Variants in FLRT1 observed in about 807,000 individuals in gnomAD.
FLRT1 encodes the protein fibronectin leucine rich transmembrane protein 1.
Under a neutral mutation model 30.9 loss-of-function variants are expected in FLRT1, and 14 were observed. The observed-to-expected ratio is 0.45, with a 90% CI of 0.30 to 0.71. The LOEUF (loss-of-function observed/expected upper bound fraction) is 0.71. FLRT1 is among the 30% of genes least tolerant of loss of function. FLRT1 has a pLI of 0.08. For missense variants in FLRT1, 737 were observed against 949.2 expected (o/e 0.78, Z 2.94); for synonymous variants, 368 against 430.4 (o/e 0.85, Z 1.80).
chr11:64,048,757 A>C (rs1943634121), intron 1 of FLRT1, among the ~76,000 whole-genome samples: 1 of 152,146 alleles, frequency 6.6e-6, no homozygotes, highest in Non-Finnish European at 1.5e-5. Flanking sequence ...CAGATCCCAT[A>C]ACTCTAAGGG....
Position 64,036,722 on chromosome 11 carries a change from C to T in FLRT1, c.-1038+563C>T, listed in dbSNP as rs190814017. ...CTTCCCTCCCTGTGCGCGCTGTGGA[C>T]CGTCAGCCCTGAGCCGGGCGGGGGC... On this transcript the variant is annotated intron_variant, in intron 1 of 2. Coordinates refer to ENST00000682287, the MANE Select transcript of FLRT1 (RefSeq NM_013280.5). The surrounding 1 kb of genome is among the most constrained non-coding windows in gnomAD (Gnocchi z 5.6). Among the ~76,000 whole-genome samples, 57 of 151,820 alleles carry T rather than the reference C, an allele frequency of 3.8e-4. No individual in the cohort carries two copies. Among genetic ancestry groups the T allele is most frequent in the Admixed American group, 2.8e-3 (43 of 15,274 alleles).
rs1318031655 is a variant in FLRT1, at chr11:64,090,326, G to GTC, written c.-1037-12865_-1037-12864dup. ...GTCTAATAGTCAGCAGTTATTTATC[G>GTC]TCTCGTTTCTTAGTGGGTAGGAAAG... On this transcript the variant is annotated intron_variant, in intron 1 of 2. Transcript: ENST00000682287. This position sits in a 1 kb window ranked among gnomAD's most constrained non-coding sequence, Gnocchi z 4.7. Among the ~76,000 whole-genome samples, 1 of 152,196 alleles carries GTC rather than the reference G, an allele frequency of 6.6e-6. No individual in the cohort carries two copies. Among genetic ancestry groups the GTC allele is most frequent in the African/African-American group, 2.4e-5 (1 of 41,440 alleles).
At chr11:64,104,829 G>A (rs1010672666) in intron 2 of FLRT1, among the ~76,000 whole-genome samples, 3 of 152,288 alleles carry the variant, frequency 2.0e-5, no homozygotes, top group South Asian at 2.1e-4. Flanking sequence ...CACAACAGGC[G>A]GTGAGTCCTC....
intron 2 of FLRT1, among the ~76,000 whole-genome samples, chr11:64,113,736 T>TGATGGATG (rs747928879): frequency 7.0e-6 from 1 of 142,116 alleles, no homozygotes; most frequent in African/African-American, 2.7e-5. Flanking sequence ...GATACATGGA[T>TGATGGATG]GATGGATGGA....
chr11:64,105,493 G>A lies in FLRT1; in HGVS notation c.-50+1312G>A, dbSNP rs192646426. Among the ~76,000 whole-genome samples, 8 of 152,296 alleles carry A rather than the reference G, an allele frequency of 5.3e-5. No individual in the cohort carries two copies. The East Asian group carries it at 1.3e-3, about 26-fold the overall frequency. ...CCCTCCCTGTATGCCTCCCCTTTCT[G>A]CACTGGGGATGCAGCCTGTCCCCTC... On this transcript the variant is annotated intron_variant, in intron 2 of 2. Transcript: ENST00000682287.
At chr11:64,106,945 G>A (rs1385239273) in intron 2 of FLRT1, among the ~76,000 whole-genome samples, 1 of 151,996 alleles carries the variant, frequency 6.6e-6, no homozygotes, top group Non-Finnish European at 1.5e-5. Flanking sequence ...GCAGTGGCAC[G>A]ATCTCTCGGC....
intron 1 of FLRT1, among the ~76,000 whole-genome samples, chr11:64,077,628 C>T (rs542921565): frequency 6.6e-6 from 1 of 152,266 alleles, no homozygotes; most frequent in East Asian, 1.9e-4. Context: ...ACGAACAGAA[C>T]TCATAGATGG....
Position 64,090,828 on chromosome 11 carries a change from G to A in FLRT1, c.-1037-12366G>A, listed in dbSNP as rs866055490. Among the ~76,000 whole-genome samples the A allele has an allele frequency of 3.3e-5, 5 of 152,174 alleles. No individual in the cohort carries two copies. Among genetic ancestry groups the A allele is most frequent in the Admixed American group, 6.5e-5 (1 of 15,300 alleles). ...CTGGGGCTCTGCAGAAGCAGAGCCC[G>A]AGTCGGGTCCAGCCCTGCACTCCCA... On this transcript the variant is annotated intron_variant, in intron 1 of 2. Coordinates refer to ENST00000682287, the MANE Select transcript of FLRT1 (RefSeq NM_013280.5). This position sits in a 1 kb window ranked among gnomAD's most constrained non-coding sequence, Gnocchi z 4.7.
At chr11:64,072,750 A>G (rs1944132558) in intron 1 of FLRT1, among the ~76,000 whole-genome samples, 1 of 152,188 alleles carries the variant, frequency 6.6e-6, no homozygotes, top group Non-Finnish European at 1.5e-5. Context: ...TTAAGAAGCA[A>G]CTGCTTTTGG....
chr11:64,050,984 C>T (rs976580518), intron 1 of FLRT1, among the ~76,000 whole-genome samples: 1 of 152,220 alleles, frequency 6.6e-6, no homozygotes, highest in Non-Finnish European at 1.5e-5. Context: ...GTCCCCTGAG[C>T]CCCACTCCTG....
chr11:64,047,339 C>T (rs967194355), intron 1 of FLRT1, among the ~76,000 whole-genome samples: 15 of 152,096 alleles, frequency 9.9e-5, no homozygotes, highest in Non-Finnish European at 1.5e-4. Flanking sequence ...TTTAAGAAGG[C>T]GAAACCTGAG....
At chr11:64,050,647 TCA>T (rs1943675635) in intron 1 of FLRT1, among the ~76,000 whole-genome samples, 2 of 152,200 alleles carry the variant, frequency 1.3e-5, no homozygotes, top group Admixed American at 1.3e-4. Flanking sequence ...CAGCTGACTT[TCA>T]CTCTTGTCGC....
chr11:64,118,500 G>A lies in FLRT1; in HGVS notation c.*208G>A. The A allele has an allele frequency of 2.0e-6, 1 of 499,250 alleles. No individual in the cohort carries two copies. The highest frequency in any genetic ancestry group is 3.5e-6 in the Non-Finnish European group (1 of 285,960). The allele number at this position is 499,250 out of a possible 1,614,324, so 30.9% of individuals were successfully genotyped here. A position where few individuals can be genotyped will look rare whatever the true frequency, so the allele number is the denominator to read the frequency against. On this transcript the variant is annotated 3_prime_UTR_variant, in exon 3 of 3. Transcript: ENST00000682287. ...TTTAAAAGAATAGAAGGCAGGAGGG[G>A]GAATTCGACATTGTTGAAGACATAA... is the stretch of plus-strand genomic sequence containing the variant.
intron 1 of FLRT1, among the ~76,000 whole-genome samples, chr11:64,077,841 T>C (rs1944231744): frequency 6.6e-6 from 1 of 152,212 alleles, no homozygotes; most frequent in Non-Finnish European, 1.5e-5. Flanking sequence ...CCTTTGGCTA[T>C]GGGTGGGCTT....
intron 1 of FLRT1, among the ~76,000 whole-genome samples, chr11:64,091,460 T>G (rs1590894641): frequency 2.2e-5 from 1 of 45,264 alleles, no homozygotes; most frequent in Non-Finnish European, 4.3e-5. Context: ...GCCAGGGAGG[T>G]GGATGTGGGG....
chr11:64,072,475 T>C (rs1379755863), intron 1 of FLRT1, among the ~76,000 whole-genome samples: 2 of 151,882 alleles, frequency 1.3e-5, no homozygotes, highest in African/African-American at 2.4e-5. Flanking sequence ...GAAACGTACA[T>C]GTGGCATTCC....
At chr11:64,063,213 C>T (rs902641637) in intron 1 of FLRT1, among the ~76,000 whole-genome samples, 7 of 152,034 alleles carry the variant, frequency 4.6e-5, no homozygotes, top group East Asian at 1.9e-4. Context: ...ACAGAGAGGT[C>T]GCTTACCCTC....
At chr11:64,073,434 A>G (rs757737350) in intron 1 of FLRT1, among the ~76,000 whole-genome samples, 3 of 152,164 alleles carry the variant, frequency 2.0e-5, no homozygotes, top group Non-Finnish European at 4.4e-5. Context: ...TTCTACTCTT[A>G]ACTCCCTTGA....
intron 1 of FLRT1, among the ~76,000 whole-genome samples, chr11:64,084,811 C>A (rs1044623077): frequency 3.3e-5 from 5 of 152,174 alleles, no homozygotes; most frequent in Non-Finnish European, 7.4e-5. Flanking sequence ...AGAACCGTAG[C>A]CCCAAGGTCC....
Sources: allele counts gnomAD v4.1 joint callset (sites outside exome capture counted in the v4.1 genomes callset), GRCh38; gene constraint gnomAD v4.1.1; non-coding constraint Gnocchi (gnomAD v3.1); transcripts MANE v1.5; gene names NCBI Gene and HGNC (gene_info 2026-07-23, HGNC 2026-07-21).